Variants in NTM observed in about 807,000 individuals in gnomAD.
NTM encodes the protein neurotrimin.
In NTM, 13 loss-of-function variants were observed where a neutral mutation model predicts 42.1. The observed-to-expected ratio is 0.31, with a 90% confidence interval of 0.20 to 0.49. NTM has a LOEUF of 0.49. Among genes scored for constraint, NTM ranks in the 20% least tolerant of loss-of-function variants. The probability of loss-of-function intolerance (pLI) is 0.99; values close to 1 mark genes in which losing one functional copy is unlikely to be tolerated. For missense variants in NTM, 373 were observed against 452.8 expected (o/e 0.82, Z 1.60); for synonymous variants, 187 against 179.2 (o/e 1.04, Z -0.35).
chr11:131,711,427 T>C (rs1315501882), intron 1 of NTM, among the ~76,000 whole-genome samples: 2 of 152,120 alleles, frequency 1.3e-5, no homozygotes, highest in Non-Finnish European at 2.9e-5. Context: ...AAAACCACAA[T>C]GAGATACAAT....
rs1172879962 is a variant in NTM at position 131,989,226 on chromosome 11, G to C, written c.167+77578G>C. ...GCATGATGTCTTCCAAAAAGTAGCTGCTCAAAAACATACTAATTAACAAAT... is the reference window on the plus strand; with the variant it reads ...GCATGATGTCTTCCAAAAAGTAGCTCCTCAAAAACATACTAATTAACAAAT... On this transcript the variant is annotated intron_variant, in intron 2 of 8. Coordinates refer to ENST00000683400, the MANE Select transcript of NTM (RefSeq NM_001352005.2). Among the ~76,000 whole-genome samples, 3 of 152,086 alleles carry C rather than the reference G, an allele frequency of 2.0e-5. No individual in the cohort carries two copies. In the South Asian group the frequency reaches 6.2e-4, roughly 32 times the overall value.
intron 4 of NTM, among the ~76,000 whole-genome samples, chr11:132,303,902 C>G (rs2094969082): frequency 6.6e-6 from 1 of 152,074 alleles, no homozygotes; most frequent in Non-Finnish European, 1.5e-5. Context: ...CACGTGTTGT[C>G]TTTCACAGCA....
chr11:131,461,233 A>G (rs1261887238), intron 1 of NTM, among the ~76,000 whole-genome samples: 3 of 152,198 alleles, frequency 2.0e-5, no homozygotes, highest in Non-Finnish European at 4.4e-5. Flanking sequence ...TGGGTTGGCC[A>G]GTGCATTATA....
rs1296665902 is a variant in NTM, at chr11:131,653,320, A to G, written c.83-258244A>G. Among the ~76,000 whole-genome samples, 5 of 152,178 alleles carry G rather than the reference A, an allele frequency of 3.3e-5. No individual in the cohort carries two copies. In the South Asian group the frequency reaches 1.0e-3, roughly 32 times the overall value. ...CAGAAACAGATGTGGCCCACTGGAA[A>G]GACAACCTCACAGTCTTCCTTGCTT... On this transcript the variant is annotated intron_variant, in intron 1 of 8. Coordinates refer to ENST00000683400, the MANE Select transcript of NTM (RefSeq NM_001352005.2).
chr11:131,688,661 C>A (rs2074252877), intron 1 of NTM, among the ~76,000 whole-genome samples: 1 of 152,248 alleles, frequency 6.6e-6, no homozygotes, highest in East Asian at 1.9e-4. Context: ...ATCTACCAGG[C>A]AGCAGGGCCC....
chr11:131,559,802 T>A (rs147779929), intron 1 of NTM, among the ~76,000 whole-genome samples: 3 of 151,870 alleles, frequency 2.0e-5, no homozygotes, highest in Non-Finnish European at 4.4e-5. Flanking sequence ...CAGGGAGGAG[T>A]AAGGGAACAT....
chr11:131,754,221 A>G (rs529848526), intron 1 of NTM, among the ~76,000 whole-genome samples: 1 of 151,966 alleles, frequency 6.6e-6, no homozygotes, highest in Non-Finnish European at 1.5e-5. Context: ...AACATGACAC[A>G]TGTATACATA....
intron 1 of NTM, among the ~76,000 whole-genome samples, chr11:131,777,308 C>G (rs1034203781): frequency 6.6e-6 from 1 of 152,088 alleles, no homozygotes; most frequent in Admixed American, 6.5e-5. Context: ...ACACATACAT[C>G]TTAAATGAAG....
intron 1 of NTM, among the ~76,000 whole-genome samples, chr11:131,542,247 G>A (rs2053368014): frequency 6.6e-6 from 1 of 152,210 alleles, no homozygotes; most frequent in Non-Finnish European, 1.5e-5. Context: ...GTTAGCTTTT[G>A]AGATGAGCCT....
chr11:131,406,251 T>A (rs1002056192), intron 1 of NTM, among the ~76,000 whole-genome samples: 1 of 152,212 alleles, frequency 6.6e-6, no homozygotes, highest in East Asian at 1.9e-4. Flanking sequence ...TGGGAAGTGA[T>A]ATATGAATGT....
intron 4 of NTM, among the ~76,000 whole-genome samples, chr11:132,295,878 C>T (rs150406654): frequency 3.8e-4 from 58 of 151,942 alleles, no homozygotes; most frequent in East Asian, 1.9e-3. Context: ...AAATGGGAGG[C>T]GTGGAGACTC....
At chr11:131,448,552 A>G (rs886174378) in intron 1 of NTM, among the ~76,000 whole-genome samples, 4 of 152,238 alleles carry the variant, frequency 2.6e-5, no homozygotes, top group African/African-American at 9.6e-5. Flanking sequence ...ACTCTCATTC[A>G]TGAGAAAACC....
At chr11:131,606,050 T>G (rs1446649600) in intron 1 of NTM, 1 of 214,284 alleles carries the variant, frequency 4.7e-6, no homozygotes, top group Non-Finnish European at 8.0e-6. Flanking sequence ...TTTTGTTTGT[T>G]TGTTTGTTTT....
chr11:131,400,142 G>A (rs1944979109), intron 1 of NTM, among the ~76,000 whole-genome samples: 1 of 151,992 alleles, frequency 6.6e-6, no homozygotes, highest in Non-Finnish European at 1.5e-5. Flanking sequence ...AAGCCGAGAA[G>A]GGCCCCAGTA....
At chr11:132,121,722 C>G (rs2064864267) in intron 2 of NTM, among the ~76,000 whole-genome samples, 1 of 152,194 alleles carries the variant, frequency 6.6e-6, no homozygotes, top group African/African-American at 2.4e-5. Flanking sequence ...ACCCACCCCT[C>G]TGTTCCTCCC....
At chr11:131,794,557 T>G (rs968232770) in intron 1 of NTM, 1 of 984,736 alleles carries the variant, frequency 1.0e-6, no homozygotes, top group Non-Finnish European at 1.2e-6. Flanking sequence ...ATTCATTCAC[T>G]GAGTTCTACA....
Position 132,146,528 on chromosome 11 carries a change from G to T in NTM, c.400+14G>T. Reference sequence around the variant, plus strand: ...TCATTGTGCAAGGTAGGTGGGCGGGGCTTGGCGGGGAGATCTGGCTGGCCA... The same window carrying T: ...TCATTGTGCAAGGTAGGTGGGCGGGTCTTGGCGGGGAGATCTGGCTGGCCA... On this transcript the variant is annotated intron_variant, in intron 3 of 8. Coordinates refer to ENST00000683400, the MANE Select transcript of NTM (RefSeq NM_001352005.2). This position sits in a 1 kb window ranked among gnomAD's most constrained non-coding sequence, Gnocchi z 4.5. The T allele has an allele frequency of 6.2e-7, 1 of 1,610,492 alleles. No homozygotes were observed. The highest frequency in any genetic ancestry group is 8.5e-7 in the Non-Finnish European group (1 of 1,177,188).
At chr11:131,494,049 T>C (rs1204974035) in intron 1 of NTM, among the ~76,000 whole-genome samples, 1 of 152,236 alleles carries the variant, frequency 6.6e-6, no homozygotes, top group East Asian at 1.9e-4. Context: ...GTACTCAACA[T>C]GTACAAAATT....
rs1405914860 is a variant in NTM, at chr11:131,619,397, A to G, written c.82+248509A>G. Among the ~76,000 whole-genome samples the G allele has an allele frequency of 7.2e-5, 11 of 152,176 alleles. No homozygotes were observed. In the South Asian group the frequency reaches 1.0e-3, roughly 14 times the overall value. On this transcript the variant is annotated intron_variant, in intron 1 of 8. Coordinates refer to ENST00000683400, the MANE Select transcript of NTM (RefSeq NM_001352005.2). ...AAAAACCTGGAACACATATATCTCTAGTAACACTGAGGCTAGGACACACAC... is the reference window on the plus strand; with the variant it reads ...AAAAACCTGGAACACATATATCTCTGGTAACACTGAGGCTAGGACACACAC...
Sources: allele counts gnomAD v4.1 joint callset (sites outside exome capture counted in the v4.1 genomes callset), GRCh38; gene constraint gnomAD v4.1.1; non-coding constraint Gnocchi (gnomAD v3.1); transcripts MANE v1.5; gene names NCBI Gene and HGNC (gene_info 2026-07-23, HGNC 2026-07-21).